RBFOX1: variants seen among roughly 807,000 people sequenced by gnomAD.
The protein encoded by RBFOX1 is RNA binding protein fox-1 homolog 1.
RBFOX1 carries 8 observed loss-of-function variants against 57.7 expected under a neutral mutation model. That is an observed-to-expected ratio of 0.14 (90% CI 0.08 to 0.25). The LOEUF is 0.25. RBFOX1 is among the 10% of genes least tolerant of loss of function. The probability of loss-of-function intolerance (pLI) is 1.00; values close to 1 mark genes in which losing one functional copy is unlikely to be tolerated. For missense variants in RBFOX1, 611 were observed against 548.5 expected (o/e 1.11, Z -1.14); for synonymous variants, 326 against 222.4 (o/e 1.47, Z -4.15).
chr16:7,576,723 C>G (rs1057359580), intron 5 of RBFOX1, among the ~76,000 whole-genome samples: 1 of 152,176 alleles, frequency 6.6e-6, no homozygotes, highest in Non-Finnish European at 1.5e-5. Context: ...TATGTTTAAT[C>G]ATAATCTCTG....
At chr16:7,440,536 G>A (rs1358317291) in intron 4 of RBFOX1, among the ~76,000 whole-genome samples, 1 of 151,958 alleles carries the variant, frequency 6.6e-6, no homozygotes, top group Non-Finnish European at 1.5e-5. Context: ...CTGGGTCAGT[G>A]AATCCTCAGG....
intron 3 of RBFOX1, among the ~76,000 whole-genome samples, chr16:6,804,421 C>T (rs1000592074): frequency 6.6e-6 from 1 of 152,136 alleles, no homozygotes; most frequent in Admixed American, 6.6e-5. Context: ...TTCAGGTCAA[C>T]AATAACTCTT....
At chr16:5,688,184 A>C (rs552921427) in intron 3 of RBFOX1, among the ~76,000 whole-genome samples, 2 of 152,334 alleles carry the variant, frequency 1.3e-5, no homozygotes, top group South Asian at 4.1e-4. Flanking sequence ...TTGGAAGGCT[A>C]AATTTAGATT....
At chr16:6,859,200 TATATATATATACAAAA>T in intron 3 of RBFOX1, among the ~76,000 whole-genome samples, 2 of 105,246 alleles carry the variant, frequency 1.9e-5, no homozygotes, top group African/African-American at 7.4e-5. Flanking sequence ...TATATATGTA[TATATATATATACAAAA>T]ATTAGTTCCT....
At chr16:5,398,508 G>A (rs1456102995) in intron 1 of RBFOX1, among the ~76,000 whole-genome samples, 1 of 152,024 alleles carries the variant, frequency 6.6e-6, no homozygotes, top group Non-Finnish European at 1.5e-5. Context: ...GTGCATGTGA[G>A]CAGGTGTGCA....
At chr16:7,447,067 C>A (rs1195846732) in intron 4 of RBFOX1, among the ~76,000 whole-genome samples, 7 of 152,006 alleles carry the variant, frequency 4.6e-5, no homozygotes, top group Admixed American at 2.6e-4. Flanking sequence ...CCGCCTTAGC[C>A]TCCCAAAGTG....
chr16:6,710,962 G>A (rs184654603), intron 3 of RBFOX1, among the ~76,000 whole-genome samples: 51 of 152,294 alleles, frequency 3.3e-4, no homozygotes, highest in African/African-American at 1.2e-3. Flanking sequence ...TAACGGGAGT[G>A]CAATTCCCCA....
intron 3 of RBFOX1, among the ~76,000 whole-genome samples, chr16:5,848,167 T>C (rs1025746013): frequency 6.6e-6 from 1 of 152,020 alleles, no homozygotes; most frequent in Non-Finnish European, 1.5e-5. Context: ...TGCAAGCAGG[T>C]TGCAGTTTGT....
rs181057089 is a variant in RBFOX1, at chr16:6,880,350, G to A, written c.-15-171707G>A. ...TCTGTTGTTCCTGACCACTGCCTTG[G>A]TTTTTAGTATTATACTTTCCACTTC... On this transcript the variant is annotated intron_variant, in intron 3 of 15. Transcript: ENST00000550418. 2.0e-5 allele frequency among the ~76,000 whole-genome samples: 3 copies of A among 152,254 alleles called. No homozygotes were observed. The East Asian group carries it at 5.8e-4, about 29-fold the overall frequency.
At chr16:6,169,923 C>T (rs2096946485) in intron 1 of RBFOX1, among the ~76,000 whole-genome samples, 1 of 152,162 alleles carries the variant, frequency 6.6e-6, no homozygotes, top group Non-Finnish European at 1.5e-5. Flanking sequence ...CGCCACCACA[C>T]CTGACTAGTT....
At chr16:7,564,303 G>A (rs1009951791) in intron 5 of RBFOX1, among the ~76,000 whole-genome samples, 5 of 152,016 alleles carry the variant, frequency 3.3e-5, no homozygotes, top group South Asian at 2.1e-4. Flanking sequence ...ACTTTGGGAC[G>A]CAGAGGTGGG....
rs1375969994 is a variant in RBFOX1 at position 7,688,256 on chromosome 16, T to TGAGAGA, written c.995+11419_995+11420insAGAGAG. On this transcript the variant is annotated intron_variant, in intron 14 of 15. Transcript: ENST00000550418. The stretch of plus-strand genomic sequence containing the variant: ...GTGTGTGTGTGTGTGTGTGTGTGTG[T>TGAGAGA]GTGTGAGAGAGAGAGAGAGAGAGAG... Among the ~76,000 whole-genome samples, 241 of 123,284 alleles carry TGAGAGA rather than the reference T, an allele frequency of 2.0e-3. 1 individual carries two copies. Among genetic ancestry groups the TGAGAGA allele is most frequent in the African/African-American group, 7.4e-3 (237 of 32,096 alleles). 80.9% of individuals were successfully genotyped at this position (123,284 alleles called of 152,430 possible). A position where few individuals can be genotyped will look rare whatever the true frequency, so the allele number is the denominator to read the frequency against.
At chr16:7,687,992 TTTA>T in intron 14 of RBFOX1, among the ~76,000 whole-genome samples, 2 of 152,026 alleles carry the variant, frequency 1.3e-5, no homozygotes, top group Non-Finnish European at 2.9e-5. Context: ...TCATTGGTAT[TTTA>T]TTTAAAAAAC....
intron 1 of RBFOX1, among the ~76,000 whole-genome samples, chr16:5,391,809 A>G (rs1157769781): frequency 1.3e-5 from 2 of 151,570 alleles, no homozygotes. Context: ...TAAAGAAACT[A>G]TGGTGTGTGT....
chr16:5,355,199 C>T (rs145342839), intron 1 of RBFOX1, among the ~76,000 whole-genome samples: 47 of 152,112 alleles, frequency 3.1e-4, no homozygotes, highest in African/African-American at 1.1e-3. Context: ...GTGAGTTTCC[C>T]AAACTTGCAT....
chr16:5,280,734 T>C (rs1241937056), intron 1 of RBFOX1, among the ~76,000 whole-genome samples: 1 of 152,154 alleles, frequency 6.6e-6, no homozygotes, highest in African/African-American at 2.4e-5. Context: ...TTGTTCATAA[T>C]AGCCTCTAAT....
Position 5,905,661 on chromosome 16 carries a change from C to G in RBFOX1, c.351+38326C>G, listed in dbSNP as rs114371180. 6.9e-3 allele frequency among the ~76,000 whole-genome samples: 1,056 copies of G among 152,254 alleles called. 9 individuals are homozygous for G. The highest frequency in any genetic ancestry group is 0.024 in the African/African-American group (1,002 of 41,534). The stretch of plus-strand genomic sequence containing the variant: ...AGTACGCTGTGAACATACCACTCCA[C>G]TCCAGCCAGAGGGAGACCCTGTCCA... On this transcript the variant is annotated intron_variant, in intron 4 of 19. Transcript: ENST00000641259.
intron 3 of RBFOX1, among the ~76,000 whole-genome samples, chr16:5,753,020 G>C (rs2053267052): frequency 6.6e-6 from 1 of 151,978 alleles, no homozygotes; most frequent in Non-Finnish European, 1.5e-5. Context: ...AAATTAGCCA[G>C]ATGTGTGGCT....
chr16:5,891,052 A>G (rs2058034406), intron 4 of RBFOX1, among the ~76,000 whole-genome samples: 2 of 152,196 alleles, frequency 1.3e-5, no homozygotes, highest in African/African-American at 2.4e-5. Context: ...CCTTAGCACA[A>G]TTCCCAGGGC....
Sources: gnomAD v4.1 joint callset for allele counts (sites outside exome capture counted in the v4.1 genomes callset) on GRCh38, gnomAD v4.1.1 for gene constraint, MANE v1.5 for transcripts, NCBI Gene and HGNC (gene_info 2026-07-23, HGNC 2026-07-21) for gene names.